The following CYP39A1 variants were observed in gnomAD, a reference collection of about 807,000 sequenced individuals.
CYP39A1 encodes 24-hydroxycholesterol 7-alpha-hydroxylase.
A neutral mutation model predicts 58.1 loss-of-function variants in CYP39A1; 49 were observed. The ratio of observed to expected loss-of-function variants is 0.84; its 90% CI spans 0.67 to 1.07. The LOEUF (loss-of-function observed/expected upper bound fraction) is 1.07, where lower values mean the gene tolerates loss of function less well. Ranked by LOEUF, CYP39A1 falls within the 50% of genes least tolerant of loss-of-function variation. The probability of loss-of-function intolerance (pLI) is 0.00; values close to 1 mark genes in which losing one functional copy is unlikely to be tolerated. For missense variants in CYP39A1, 531 were observed against 539.4 expected, an observed-to-expected ratio of 0.98 and a Z score of 0.16; for synonymous variants, 209 against 187.6, an observed-to-expected ratio of 1.11 and a Z score of -0.93.
In CYP39A1 at chr6:46,602,641, C is replaced by T. The variant is rs58086400; in HGVS notation, c.932-6521G>A. On this transcript the variant is annotated intron_variant, in intron 7 of 11. Transcript: ENST00000275016. Reference sequence around the variant, plus strand: ...CAGCCTGACCAACACAGAGAAACCCCGTCTCTACTAAAAATACAAAATCAG... The same window carrying T: ...CAGCCTGACCAACACAGAGAAACCCTGTCTCTACTAAAAATACAAAATCAG... Among the ~76,000 whole-genome samples, 936 of 143,910 alleles carry T rather than the reference C, an allele frequency of 6.5e-3. 12 individuals are homozygous for T. The highest frequency in any genetic ancestry group is 0.022 in the African/African-American group (866 of 38,552). The allele number at this position is 143,910 out of a possible 152,430, so 94.4% of individuals were successfully genotyped here. A position where few individuals can be genotyped will look rare whatever the true frequency, so the allele number is the denominator to read the frequency against.
At chr6:46,592,336 T>C (rs1772888569) in intron 8 of CYP39A1, among the ~76,000 whole-genome samples, 1 of 152,144 alleles carries the variant, frequency 6.6e-6, no homozygotes, top group South Asian at 2.1e-4. Context: ...TCAACATAGA[T>C]AAGCCCATGT....
At chr6:46,614,774 T>A (rs1047504568) in intron 7 of CYP39A1, among the ~76,000 whole-genome samples, 1 of 152,184 alleles carries the variant, frequency 6.6e-6, no homozygotes, top group Non-Finnish European at 1.5e-5. Flanking sequence ...GTTTGTTAAG[T>A]AGTTTATGTA....
At chr6:46,645,241 A>C (rs1231095882) in intron 1 of CYP39A1, among the ~76,000 whole-genome samples, 1 of 152,150 alleles carries the variant, frequency 6.6e-6, no homozygotes, top group Non-Finnish European at 1.5e-5. Flanking sequence ...ATTCTTCTAT[A>C]TTTCTTTCTA....
At chr6:46,642,129 G>T (rs374500721) in intron 2 of CYP39A1, 34 bp downstream of exon 2, 12 of 1,608,732 alleles carry the variant, frequency 7.5e-6, no homozygotes, top group Non-Finnish European at 9.3e-6. Context: ...TCCAATGTTG[G>T]ATTTCGAATG....
At chr6:46,597,840 G>T (rs1191222042) in intron 7 of CYP39A1, among the ~76,000 whole-genome samples, 1 of 152,112 alleles carries the variant, frequency 6.6e-6, no homozygotes, top group Non-Finnish European at 1.5e-5. Flanking sequence ...ATGAAACAGT[G>T]ATATACAGCA....
intron 10 of CYP39A1, among the ~76,000 whole-genome samples, chr6:46,562,167 C>A (rs2150484531): frequency 6.6e-6 from 1 of 152,188 alleles, no homozygotes; most frequent in African/African-American, 2.4e-5. Context: ...GGATTACAGG[C>A]ACCTGCCACC....
At chr6:46,626,412 A>G (rs1435277864) in intron 6 of CYP39A1, among the ~76,000 whole-genome samples, 1 of 152,156 alleles carries the variant, frequency 6.6e-6, no homozygotes, top group Non-Finnish European at 1.5e-5. Context: ...TTCATGCAAT[A>G]TTTTGACTAA....
intron 8 of CYP39A1, among the ~76,000 whole-genome samples, chr6:46,593,125 G>T (rs1772942427): frequency 6.6e-6 from 1 of 152,110 alleles, no homozygotes; most frequent in South Asian, 2.1e-4. Context: ...TTTAATGACA[G>T]ATTTACACTA....
At chr6:46,615,606 C>T (rs970634997) in intron 7 of CYP39A1, among the ~76,000 whole-genome samples, 9 of 152,146 alleles carry the variant, frequency 5.9e-5, no homozygotes, top group Admixed American at 3.3e-4. Flanking sequence ...TAAAAATCCA[C>T]GCATTGAGAG....
At chr6:46,570,687 G>T (rs1253507771) in intron 10 of CYP39A1, among the ~76,000 whole-genome samples, 3 of 152,180 alleles carry the variant, frequency 2.0e-5, no homozygotes, top group African/African-American at 7.2e-5. Context: ...ATGGAAGAAG[G>T]TGAAGGGGAG....
intron 2 of CYP39A1, among the ~76,000 whole-genome samples, chr6:46,640,774 AC>A (rs897852087): frequency 1.0e-5 from 1 of 99,544 alleles, no homozygotes; most frequent in African/African-American, 3.9e-5. Context: ...CCTGCCGCCC[AC>A]CCCCCTCCCT....
At chr6:46,633,914 T>C (rs1234166) in intron 5 of CYP39A1, among the ~76,000 whole-genome samples, 255 of 152,278 alleles carry the variant, frequency 1.7e-3, no homozygotes, top group South Asian at 3.7e-3. Context: ...AAGCTCAGTG[T>C]GAACACTGCT....
intron 7 of CYP39A1, among the ~76,000 whole-genome samples, chr6:46,606,826 A>G (rs1490506959): frequency 2.0e-5 from 3 of 152,242 alleles, no homozygotes; most frequent in Non-Finnish European, 2.9e-5. Flanking sequence ...AATTATAACA[A>G]ATTGAAATTC....
intron 2 of CYP39A1, among the ~76,000 whole-genome samples, chr6:46,640,919 G>A (rs1270912743): frequency 1.3e-5 from 2 of 151,804 alleles, no homozygotes; most frequent in Non-Finnish European, 1.5e-5. Context: ...ACAGTTTTTA[G>A]ATTTCCTGAG....
chr6:46,559,377 A>G (rs1381519133), intron 10 of CYP39A1, among the ~76,000 whole-genome samples: 1 of 152,240 alleles, frequency 6.6e-6, no homozygotes, highest in East Asian at 1.9e-4. Flanking sequence ...GTAAAGGCAT[A>G]TAAGGTTAGG....
intron 5 of CYP39A1, among the ~76,000 whole-genome samples, chr6:46,632,302 C>G (rs1775710880): frequency 6.6e-6 from 1 of 152,118 alleles, no homozygotes; most frequent in Non-Finnish European, 1.5e-5. Flanking sequence ...TTGGACAGGC[C>G]AGGTGCTAGA....
intron 10 of CYP39A1, chr6:46,586,458 G>C (rs1286636573): frequency 1.0e-6 from 1 of 975,028 alleles, no homozygotes; most frequent in Non-Finnish European, 1.2e-6. Flanking sequence ...GCTTAGAAGA[G>C]GGCCTGGCAC....
chr6:46,635,596 G>C (rs1238655485), intron 5 of CYP39A1, among the ~76,000 whole-genome samples: 1 of 152,184 alleles, frequency 6.6e-6, no homozygotes, highest in Non-Finnish European at 1.5e-5. Flanking sequence ...CTGTCATCCA[G>C]GCTGGAGTGC....
intron 1 of CYP39A1, 41 bp from the exon 2 acceptor site, chr6:46,642,339 T>C (rs760627865): frequency 1.9e-6 from 3 of 1,579,274 alleles, no homozygotes; most frequent in Non-Finnish European, 2.6e-6. Context: ...TAAGCATTCC[T>C]AAGCCATGTT....
Sources: gnomAD v4.1 joint callset for allele counts (sites outside exome capture counted in the v4.1 genomes callset) on GRCh38, gnomAD v4.1.1 for gene constraint, MANE v1.5 for transcripts, NCBI Gene and HGNC (gene_info 2026-07-23, HGNC 2026-07-21) for gene names.